Variants in DOK5 observed in about 807,000 individuals in gnomAD.
The protein encoded by DOK5 is downstream of tyrosine kinase 5.
DOK5 carries 27 observed loss-of-function variants against 43.3 expected under a neutral mutation model. That is an observed-to-expected ratio of 0.62 (90% confidence interval 0.46 to 0.86). The LOEUF is 0.86. Ranked by LOEUF, DOK5 falls within the 40% of genes least tolerant of loss-of-function variation. DOK5 has a pLI of 0.00. For synonymous variants in DOK5, 146 were observed against 140.1 expected (o/e 1.04, Z -0.30); for missense variants, 373 against 392.9 (o/e 0.95, Z 0.43).
intron 1 of DOK5, among the ~76,000 whole-genome samples, chr20:54,501,882 G>A (rs188244658): frequency 6.6e-6 from 1 of 152,116 alleles, no homozygotes; most frequent in Non-Finnish European, 1.5e-5. Flanking sequence ...ACTTAATATT[G>A]GTTTCTGACT....
At chr20:54,608,667 C>CTTT (rs11353769) in intron 5 of DOK5, among the ~76,000 whole-genome samples, 7 of 134,334 alleles carry the variant, frequency 5.2e-5, no homozygotes, top group Non-Finnish European at 7.8e-5. Context: ...TCTTCTTCTT[C>CTTT]TTTTTTTTTT....
chr20:54,590,896 G>A (rs1985957286), intron 4 of DOK5, among the ~76,000 whole-genome samples: 1 of 152,170 alleles, frequency 6.6e-6, no homozygotes, highest in African/African-American at 2.4e-5. Flanking sequence ...AAATATAACA[G>A]AAATATGGTG....
At chr20:54,645,730 T>C (rs575460434) in intron 7 of DOK5, among the ~76,000 whole-genome samples, 1 of 152,158 alleles carries the variant, frequency 6.6e-6, no homozygotes, top group African/African-American at 2.4e-5. Context: ...CAGGAAGCAA[T>C]AATGTACAGG....
At chr20:54,602,540 A>G (rs16999830) in intron 5 of DOK5, among the ~76,000 whole-genome samples, 39,284 of 152,098 alleles carry the variant, frequency 0.26, 5,907 homozygotes, top group African/African-American at 0.39. Context: ...AATAATGGAG[A>G]AACATTTCAG....
chr20:54,602,457 C>T (rs6023401), intron 5 of DOK5, among the ~76,000 whole-genome samples: 27,315 of 152,006 alleles, frequency 0.18, 4,598 homozygotes, highest in African/African-American at 0.44. Context: ...GCAGTAGAGG[C>T]GATGTTAAAT....
chr20:54,564,638 C>T (rs1985031221), intron 2 of DOK5, among the ~76,000 whole-genome samples: 1 of 152,066 alleles, frequency 6.6e-6, no homozygotes, highest in Non-Finnish European at 1.5e-5. Context: ...AAAAAAAATA[C>T]ATATACCATG....
chr20:54,644,258 C>T (rs1200182110), intron 7 of DOK5, among the ~76,000 whole-genome samples: 3 of 152,154 alleles, frequency 2.0e-5, no homozygotes, highest in African/African-American at 7.2e-5. Flanking sequence ...ATAGTGTGGA[C>T]AACATGAACA....
At chr20:54,633,948 C>A (rs941849715) in intron 6 of DOK5, among the ~76,000 whole-genome samples, 1 of 152,184 alleles carries the variant, frequency 6.6e-6, no homozygotes, top group African/African-American at 2.4e-5. Flanking sequence ...ACCATAAAAA[C>A]AGTTGGATTC....
At chr20:54,596,283 T>C (rs1441588617) in intron 5 of DOK5, among the ~76,000 whole-genome samples, 1 of 152,216 alleles carries the variant, frequency 6.6e-6, no homozygotes, top group Non-Finnish European at 1.5e-5. Context: ...ACCAGTATAA[T>C]TTTCCCCTTC....
intron 1 of DOK5, among the ~76,000 whole-genome samples, chr20:54,478,150 CTTAT>C (rs1202435186): frequency 6.6e-6 from 1 of 152,166 alleles, no homozygotes; most frequent in Non-Finnish European, 1.5e-5. Context: ...TAAATCTGGT[CTTAT>C]TTGTTAGCAT....
chr20:54,546,332 G>A (rs1461446291), intron 1 of DOK5, among the ~76,000 whole-genome samples: 1 of 152,196 alleles, frequency 6.6e-6, no homozygotes, highest in Non-Finnish European at 1.5e-5. Flanking sequence ...GCTTTGGAAA[G>A]TAAGTGCCAA....
intron 1 of DOK5, among the ~76,000 whole-genome samples, chr20:54,479,380 G>T (rs1300661155): frequency 1.3e-5 from 2 of 152,118 alleles, no homozygotes; most frequent in Non-Finnish European, 2.9e-5. Context: ...CTATTTGAGG[G>T]GCTGGGGGAA....
At chr20:54,523,489 C>T (rs1983481423) in intron 1 of DOK5, among the ~76,000 whole-genome samples, 1 of 152,058 alleles carries the variant, frequency 6.6e-6, no homozygotes, top group Non-Finnish European at 1.5e-5. Context: ...TTGCTTCAAC[C>T]TGAGAAGCAG....
chr20:54,646,401 G>A (rs189887934), intron 7 of DOK5, among the ~76,000 whole-genome samples: 33 of 151,906 alleles, frequency 2.2e-4, no homozygotes, highest in Admixed American at 1.4e-3. Flanking sequence ...CTACAGGTGT[G>A]TGCCACCAAG....
chr20:54,487,108 C>G (rs943626382), intron 1 of DOK5, among the ~76,000 whole-genome samples: 1 of 152,156 alleles, frequency 6.6e-6, no homozygotes, highest in Non-Finnish European at 1.5e-5. Context: ...GATTATAAGA[C>G]TGGCCACAGT....
intron 2 of DOK5, among the ~76,000 whole-genome samples, chr20:54,586,109 AAAC>A (rs1206577276): frequency 2.0e-5 from 3 of 152,210 alleles, no homozygotes; most frequent in African/African-American, 4.8e-5. Flanking sequence ...ACTCCATCTC[AAAC>A]AACAACAATA....
At chr20:54,627,460 G>A (rs991993384) in intron 6 of DOK5, among the ~76,000 whole-genome samples, 2 of 152,160 alleles carry the variant, frequency 1.3e-5, no homozygotes, top group African/African-American at 4.8e-5. Flanking sequence ...ACTGAGGTTC[G>A]GTGGGTCACC....
chr20:54,626,879 A>G (rs530404085), intron 6 of DOK5, among the ~76,000 whole-genome samples: 2 of 152,296 alleles, frequency 1.3e-5, no homozygotes, highest in African/African-American at 4.8e-5. Flanking sequence ...AATCTGGCCT[A>G]TGACTGTTTT....
intron 1 of DOK5, among the ~76,000 whole-genome samples, chr20:54,533,299 A>T (rs1365064917): frequency 1.3e-5 from 2 of 152,196 alleles, no homozygotes; most frequent in East Asian, 3.9e-4. Context: ...CCACTGGGGG[A>T]CACCATCACT....
Sources: allele counts gnomAD v4.1 joint callset (sites outside exome capture counted in the v4.1 genomes callset), GRCh38; gene constraint gnomAD v4.1.1; transcripts MANE v1.5; gene names NCBI Gene and HGNC (gene_info 2026-07-23, HGNC 2026-07-21).